ARHGEF12: variants seen among roughly 807,000 people sequenced by gnomAD.
ARHGEF12 encodes KMT2A/ARHGEF12 fusion protein.
Under a neutral mutation model 211.2 loss-of-function variants are expected in ARHGEF12, and 66 were observed. That is an observed-to-expected ratio of 0.31 (90% CI 0.26 to 0.38). ARHGEF12 has a LOEUF of 0.38. Ranked by LOEUF, ARHGEF12 falls within the 10% of genes least tolerant of loss-of-function variation. The pLI is 1.00. For synonymous variants in ARHGEF12, 592 were observed against 638.4 expected, an observed-to-expected ratio of 0.93 and a Z score of 1.09; for missense variants, 1,429 against 1,869.5, an observed-to-expected ratio of 0.76 and a Z score of 4.34.
rs528290458 is a variant in ARHGEF12, at chr11:120,433,775, G to A, written c.924+1864G>A. On this transcript the variant is annotated intron_variant, in intron 11 of 40. Coordinates refer to ENST00000397843, the MANE Select transcript of ARHGEF12 (RefSeq NM_015313.3). ...TCAAAACCAGCCTGGCCAACATAGT[G>A]AAACCCCGTCTCTACTAAAAATACA... Among the ~76,000 whole-genome samples the A allele has an allele frequency of 2.9e-4, 44 of 152,130 alleles. 1 individual carries two copies. The highest frequency in any genetic ancestry group is 4.6e-4 in the Admixed American group (7 of 15,274).
intron 4 of ARHGEF12, among the ~76,000 whole-genome samples, chr11:120,416,345 C>T (rs144872933): frequency 1.2e-3 from 186 of 152,094 alleles, no homozygotes; most frequent in Middle Eastern, 3.4e-3. Flanking sequence ...AGCCCCTGCA[C>T]CTTTGGAGCA....
intron 30 of ARHGEF12, 39 bp downstream of exon 30, chr11:120,469,427 G>A (rs1236844641): frequency 2.7e-6 from 4 of 1,476,116 alleles, no homozygotes; most frequent in Non-Finnish European, 3.7e-6. Flanking sequence ...ATGACATTGG[G>A]AGAACATTAA....
At chr11:120,426,964 C>T (rs968634042) in intron 7 of ARHGEF12, among the ~76,000 whole-genome samples, 1 of 152,082 alleles carries the variant, frequency 6.6e-6, no homozygotes, top group Admixed American at 6.5e-5. Flanking sequence ...GCAACCTCCG[C>T]CTCCCAGGTT....
At position 120,336,946 on chromosome 11, in the gene ARHGEF12, C is replaced by T; in HGVS notation, c.-298C>T. 1 of 441,542 alleles carries T rather than the reference C, an allele frequency of 2.3e-6. No individual in the cohort carries two copies. Among genetic ancestry groups the T allele is most frequent in the Non-Finnish European group, 4.0e-6 (1 of 251,514 alleles). 27.4% of individuals were successfully genotyped at this position (441,542 alleles called of 1,614,324 possible). A position where few individuals can be genotyped will look rare whatever the true frequency, so the allele number is the denominator to read the frequency against. ...TCCCCTTCCCACTGCGCGCGGATTT[C>T]CCTCTCTGAGGAAGTTTATCCTTGT... On this transcript the variant is annotated 5_prime_UTR_variant, in exon 1 of 41. Coordinates refer to ENST00000397843, the MANE Select transcript of ARHGEF12 (RefSeq NM_015313.3).
chr11:120,353,017 C>G (rs1943030589), intron 1 of ARHGEF12, among the ~76,000 whole-genome samples: 1 of 152,254 alleles, frequency 6.6e-6, no homozygotes, highest in Non-Finnish European at 1.5e-5. Flanking sequence ...TGGACAGAAT[C>G]TAAGAGTCCA....
intron 26 of ARHGEF12, among the ~76,000 whole-genome samples, chr11:120,459,918 G>A (rs567691756): frequency 5.6e-4 from 86 of 152,274 alleles, no homozygotes; most frequent in Middle Eastern, 3.4e-3. Context: ...ATGTTGGCCA[G>A]GCTGGTCTCA....
chr11:120,347,306 G>GTGTA (rs1473818493), intron 1 of ARHGEF12, among the ~76,000 whole-genome samples: 3 of 146,494 alleles, frequency 2.0e-5, no homozygotes, highest in African/African-American at 7.7e-5. Flanking sequence ...GTGTGTGTGT[G>GTGTA]TAGCAGAAGC....
rs1015640966 is a variant in ARHGEF12 at position 120,348,892 on chromosome 11, C to T, written c.32+11617C>T. ...CTTCAGGCTGTGCATATAGAGTGTA[C>T]GTGAAACATTAATGAATTCTGTGTT... On this transcript the variant is annotated intron_variant, in intron 1 of 40. Coordinates refer to ENST00000397843, the MANE Select transcript of ARHGEF12 (RefSeq NM_015313.3). 4.6e-5 allele frequency among the ~76,000 whole-genome samples: 7 copies of T among 152,166 alleles called. No individual in the cohort carries two copies. The East Asian group carries it at 5.8e-4, about 13-fold the overall frequency.
chr11:120,362,826 C>T (rs1430851487), intron 1 of ARHGEF12, among the ~76,000 whole-genome samples: 3 of 152,298 alleles, frequency 2.0e-5, no homozygotes, highest in South Asian at 2.1e-4. Context: ...AACAGCCAGG[C>T]GCAGTGGCTC....
chr11:120,364,839 G>A (rs1364817059), intron 1 of ARHGEF12, among the ~76,000 whole-genome samples: 1 of 113,058 alleles, frequency 8.8e-6, no homozygotes, highest in African/African-American at 3.8e-5. Context: ...TTTTTTTTGA[G>A]CCAAGTCCCA....
rs1946978158 is a variant in ARHGEF12 at position 120,474,706 on chromosome 11, C to CA, written c.3109+74dup. ...GAAGGAATAGGAAAGTTTCCTATGACAAAGGGAAGAGGAGAGAACCATTCT... is the reference window on the plus strand; with the variant it reads ...GAAGGAATAGGAAAGTTTCCTATGACAAAAGGGAAGAGGAGAGAACCATTCT... On this transcript the variant is annotated intron_variant, in intron 32 of 40. Coordinates refer to ENST00000397843, the MANE Select transcript of ARHGEF12 (RefSeq NM_015313.3). 13 of 1,226,532 alleles carry CA rather than the reference C, an allele frequency of 1.1e-5. No homozygotes were observed. In the Admixed American group the frequency reaches 2.9e-4, roughly 27 times the overall value. 76.0% of individuals were successfully genotyped at this position (1,226,532 alleles called of 1,614,324 possible).
At chr11:120,346,991 G>A (rs541802244) in intron 1 of ARHGEF12, among the ~76,000 whole-genome samples, 10 of 152,256 alleles carry the variant, frequency 6.6e-5, no homozygotes, top group African/African-American at 1.9e-4. Context: ...AGACTGACAG[G>A]TGTCAAGCAG....
chr11:120,431,772 A>T lies in ARHGEF12; in HGVS notation c.785A>T (p.Asp262Val), dbSNP rs369010165. 1.3e-6 allele frequency: 2 copies of T among 1,588,528 alleles called. No individual in the cohort carries two copies. The highest frequency in any genetic ancestry group is 1.7e-6 in the Non-Finnish European group (2 of 1,171,576). The change falls in exon 11 of 41, where the codon GAT (aspartate) becomes GTT (valine). Residue 262 changes from aspartate to valine, a missense_variant and splice_region_variant. Physicochemically the swap from Asp to Val is radical, Grantham distance 152 (BLOSUM62 -3). Coordinates refer to ENST00000397843, the MANE Select transcript of ARHGEF12 (RefSeq NM_015313.3). Reference sequence around the variant, plus strand: ...GTGTTTTTCTTTCATCTGTTTTAGGATGGAGCTGTAGTTACACCCTCCAGA... The same window carrying T: ...GTGTTTTTCTTTCATCTGTTTTAGGTTGGAGCTGTAGTTACACCCTCCAGA... ...QLSKATGSAQ[D>V]GAVVTPSRPL...
At chr11:120,483,701 A>G in intron 39 of ARHGEF12, among the ~76,000 whole-genome samples, 1 of 148,098 alleles carries the variant, frequency 6.8e-6, no homozygotes, top group Non-Finnish European at 1.5e-5. Flanking sequence ...TGCAAGCTCC[A>G]CCTCCCAGGT....
intron 1 of ARHGEF12, among the ~76,000 whole-genome samples, chr11:120,392,572 G>A (rs1009272263): frequency 2.6e-5 from 4 of 152,106 alleles, no homozygotes; most frequent in African/African-American, 9.7e-5. Context: ...AAGCAGTAAC[G>A]CATTTACTGG....
chr11:120,391,801 T>C (rs1416000215), intron 1 of ARHGEF12, among the ~76,000 whole-genome samples: 4 of 152,236 alleles, frequency 2.6e-5, no homozygotes, highest in African/African-American at 4.8e-5. Flanking sequence ...TTCTCTTTTT[T>C]CTAAAAATCT....
chr11:120,477,552 G>A (rs1411070681), intron 36 of ARHGEF12, 26 bp downstream of exon 36: 1 of 1,593,212 alleles, frequency 6.3e-7, no homozygotes, highest in East Asian at 2.2e-5. Context: ...GAGTTCAATG[G>A]AGAATGTGCT....
At chr11:120,348,605 G>C (rs1322664806) in intron 1 of ARHGEF12, among the ~76,000 whole-genome samples, 1 of 152,220 alleles carries the variant, frequency 6.6e-6, no homozygotes, top group Admixed American at 6.5e-5. Flanking sequence ...ACTTTGGGAA[G>C]TCGAGGCAGG....
chr11:120,338,488 TTAAAG>T, intron 1 of ARHGEF12, among the ~76,000 whole-genome samples: 2 of 152,372 alleles, frequency 1.3e-5, no homozygotes, highest in Non-Finnish European at 2.9e-5. Flanking sequence ...TGTTAAATAT[TTAAAG>T]TATTTATATT....
Sources: gnomAD v4.1 joint callset for allele counts (sites outside exome capture counted in the v4.1 genomes callset) on GRCh38, gnomAD v4.1.1 for gene constraint, MANE v1.5 for transcripts, NCBI Gene and HGNC (gene_info 2026-07-23, HGNC 2026-07-21) for gene names.